Variants in TMEM232 observed in about 807,000 individuals in gnomAD.
TMEM232 encodes transmembrane protein 232.
A neutral mutation model predicts 78.8 loss-of-function variants in TMEM232; 80 were observed. The ratio of observed to expected loss-of-function variants is 1.01; its 90% CI spans 0.85 to 1.22. TMEM232 has a LOEUF of 1.22. Among genes scored for constraint, TMEM232 ranks in the 50% most tolerant of loss-of-function variants. The probability of loss-of-function intolerance (pLI) is 0.00; values close to 1 mark genes in which losing one functional copy is unlikely to be tolerated. For missense variants in TMEM232, 881 were observed against 742.2 expected (o/e 1.19, Z -2.17); for synonymous variants, 297 against 254.3 (o/e 1.17, Z -1.60).
chr5:110,706,550 T>C (rs573509886), intron 1 of TMEM232, among the ~76,000 whole-genome samples: 1 of 152,284 alleles, frequency 6.6e-6, no homozygotes, highest in Admixed American at 6.5e-5. Flanking sequence ...ATAAAGGTGG[T>C]CTTCTAATGC....
chr5:110,696,762 AAGG>A (rs1794836532), intron 1 of TMEM232, among the ~76,000 whole-genome samples: 1 of 145,248 alleles, frequency 6.9e-6, no homozygotes, highest in Admixed American at 7.1e-5. Context: ...GGACCTCTTC[AAGG>A]AGAACTACAA....
chr5:110,395,744 T>G (rs1755361512), intron 3 of TMEM232, among the ~76,000 whole-genome samples: 1 of 152,166 alleles, frequency 6.6e-6, no homozygotes, highest in Non-Finnish European at 1.5e-5. Context: ...AAATCAAGAA[T>G]CCATTTTCTG....
intron 1 of TMEM232, among the ~76,000 whole-genome samples, chr5:110,723,916 C>A (rs991967952): frequency 1.3e-5 from 2 of 152,116 alleles, no homozygotes; most frequent in African/African-American, 4.8e-5. Flanking sequence ...AGAGCAGTCA[C>A]CTTGCTATCA....
chr5:110,495,119 T>G (rs1765506459), intron 12 of TMEM232, among the ~76,000 whole-genome samples: 1 of 150,914 alleles, frequency 6.6e-6, no homozygotes, highest in Non-Finnish European at 1.5e-5. Context: ...CATATTTTTA[T>G]ATATTAAATA....
rs147159575 is a variant in TMEM232 at position 110,691,437 on chromosome 5, T to C, written c.-12-24073A>G. Among the ~76,000 whole-genome samples, 73 of 152,344 alleles carry C rather than the reference T, an allele frequency of 4.8e-4. No individual in the cohort carries two copies. The East Asian group carries it at 0.014, about 28-fold the overall frequency. Reference sequence around the variant, plus strand: ...GCTACAAAAGGGATGTAATTGTCCATGAATTCTTGTATTGGATTTATGTTG... The same window carrying C: ...GCTACAAAAGGGATGTAATTGTCCACGAATTCTTGTATTGGATTTATGTTG... On this transcript the variant is annotated intron_variant, in intron 1 of 13. Transcript: ENST00000455884.
chr5:110,639,185 T>TTACACTCAA, intron 4 of TMEM232, among the ~76,000 whole-genome samples: 1 of 152,204 alleles, frequency 6.6e-6, no homozygotes, highest in Admixed American at 6.5e-5. Flanking sequence ...TAGGCCATGA[T>TTACACTCAA]ATGGAGTTAC....
intron 12 of TMEM232, among the ~76,000 whole-genome samples, chr5:110,476,144 G>T (rs1763229630): frequency 6.6e-6 from 1 of 151,496 alleles, no homozygotes; most frequent in Non-Finnish European, 1.5e-5. Flanking sequence ...ATATGTTATG[G>T]GCTGCTTTTT....
intron 10 of TMEM232, among the ~76,000 whole-genome samples, chr5:110,587,677 ATATATATATATATATG>A (rs1207315039): frequency 8.3e-5 from 8 of 96,604 alleles, no homozygotes; most frequent in African/African-American, 2.5e-4. Context: ...ATATATATAT[ATATATATATATATATG>A]TGTGTGTGTG....
intron 10 of TMEM232, among the ~76,000 whole-genome samples, chr5:110,600,254 T>C (rs573534157): frequency 6.6e-6 from 1 of 151,826 alleles, no homozygotes; most frequent in African/African-American, 2.4e-5. Context: ...TTAAAAGAAG[T>C]AGAGAAGCAA....
chr5:110,473,567 C>T (rs1441076780), intron 12 of TMEM232, among the ~76,000 whole-genome samples: 14 of 150,452 alleles, frequency 9.3e-5, no homozygotes, highest in Admixed American at 9.3e-4. Context: ...CTACTATGTA[C>T]TCTCAAAAAT....
intron 11 of TMEM232, among the ~76,000 whole-genome samples, chr5:110,535,594 AAATT>A (rs1337289996): frequency 6.6e-6 from 1 of 152,214 alleles, no homozygotes; most frequent in Non-Finnish European, 1.5e-5. Flanking sequence ...AAAATGTTAA[AAATT>A]AATGACACCA....
intron 1 of TMEM232, among the ~76,000 whole-genome samples, chr5:110,676,059 T>C (rs769722301): frequency 2.0e-5 from 3 of 152,224 alleles, no homozygotes; most frequent in Non-Finnish European, 4.4e-5. Flanking sequence ...CTTAGCACAG[T>C]GTCCTCCAAG....
Position 110,480,239 on chromosome 5 carries a change from A to G in TMEM232, c.1703+48349T>C, listed in dbSNP as rs545566319. Among the ~76,000 whole-genome samples the G allele has an allele frequency of 5.4e-4, 82 of 152,044 alleles. 1 individual carries two copies. Among genetic ancestry groups the G allele is most frequent in the African/African-American group, 1.9e-3 (81 of 41,554 alleles). ...TTCTATATTCTCCATGCAAAAAAAA[A>G]TGATCTTCAGAGATTAAGAAAAAAT... On this transcript the variant is annotated intron_variant, in intron 12 of 13. Transcript: ENST00000455884.
intron 11 of TMEM232, among the ~76,000 whole-genome samples, chr5:110,565,504 C>A (rs1375750904): frequency 6.6e-6 from 1 of 151,934 alleles, no homozygotes; most frequent in Admixed American, 6.6e-5. Context: ...CTATCGCTGT[C>A]TGTGAGCATT....
chr5:110,418,066 C>T (rs1328386771), downstream of TMEM232: 1 of 152,186 alleles, frequency 6.6e-6, no homozygotes, highest in South Asian at 2.1e-4. Context: ...TCGATTTTAA[C>T]AATGCAAACC....
intron 10 of TMEM232, among the ~76,000 whole-genome samples, chr5:110,570,991 A>G (rs1776876637): frequency 6.6e-6 from 1 of 152,004 alleles, no homozygotes; most frequent in Non-Finnish European, 1.5e-5. Context: ...TTAATCTTCT[A>G]GCTCTTGTAT....
At position 110,642,677 on chromosome 5, in the gene TMEM232, G is replaced by A. The variant is rs1267907904; in HGVS notation, c.126-306C>T. Among the ~76,000 whole-genome samples, 2 of 151,728 alleles carry A rather than the reference G, an allele frequency of 1.3e-5. 1 individual carries two copies. The highest frequency in any genetic ancestry group is 2.9e-5 in the Non-Finnish European group (2 of 67,924). On this transcript the variant is annotated intron_variant, in intron 2 of 13. Transcript: ENST00000455884. The stretch of plus-strand genomic sequence containing the variant: ...GCCTTCTTTAGATAAAATCCAGCAC[G>A]GCTTCAATTATGTTGAAGGCTGATT...
At chr5:110,574,643 A>C (rs535024173) in intron 10 of TMEM232, among the ~76,000 whole-genome samples, 16 of 152,184 alleles carry the variant, frequency 1.1e-4, no homozygotes, top group Admixed American at 8.5e-4. Context: ...AAGCCCCCCC[A>C]AAAATTGTAA....
chr5:110,435,769 C>T (rs1258677579), intron 12 of TMEM232, among the ~76,000 whole-genome samples: 1 of 151,890 alleles, frequency 6.6e-6, no homozygotes, highest in Non-Finnish European at 1.5e-5. Context: ...TTCATCCATG[C>T]TGTTGCAAAT....
Sources: gnomAD v4.1 joint callset for allele counts (sites outside exome capture counted in the v4.1 genomes callset) on GRCh38, gnomAD v4.1.1 for gene constraint, MANE v1.5 for transcripts, NCBI Gene and HGNC (gene_info 2026-07-23, HGNC 2026-07-21) for gene names.